CYS1: variants seen among roughly 807,000 people sequenced by gnomAD.
The protein encoded by CYS1 is cystin 1.
Under a neutral mutation model 9.6 loss-of-function variants are expected in CYS1, and 5 were observed. The observed-to-expected ratio is 0.52, with a 90% CI of 0.27 to 1.10. The LOEUF is 1.10. Among genes scored for constraint, CYS1 ranks in the 50% least tolerant of loss-of-function variants. The pLI is 0.11. For missense variants in CYS1, 221 were observed against 207.9 expected (o/e 1.06, Z -0.39); for synonymous variants, 88 against 95.7 (o/e 0.92, Z 0.47).
At chr2:10,074,134 G>A (rs912644466) in intron 1 of CYS1, among the ~76,000 whole-genome samples, 2 of 152,100 alleles carry the variant, frequency 1.3e-5, no homozygotes, top group Non-Finnish European at 2.9e-5. Flanking sequence ...CTGTACTCTG[G>A]TATGGCATCA....
chr2:10,071,007 T>C (rs1661760371), intron 1 of CYS1, among the ~76,000 whole-genome samples: 1 of 149,658 alleles, frequency 6.7e-6, no homozygotes, highest in Non-Finnish European at 1.5e-5. Context: ...CGCTCTGTCA[T>C]CCAGGCTGGA....
intron 1 of CYS1, among the ~76,000 whole-genome samples, chr2:10,073,968 C>T (rs1237208489): frequency 6.6e-6 from 1 of 152,166 alleles, no homozygotes; most frequent in Non-Finnish European, 1.5e-5. Flanking sequence ...TGAGGCTGCC[C>T]GCTCCTCCCC....
intron 2 of CYS1, among the ~76,000 whole-genome samples, chr2:10,062,745 G>A (rs1661644745): frequency 6.6e-6 from 1 of 152,212 alleles, no homozygotes; most frequent in African/African-American, 2.4e-5. Flanking sequence ...CCAACCTGGG[G>A]AAATACTGCC....
chr2:10,075,899 G>A (rs985760990), intron 1 of CYS1, among the ~76,000 whole-genome samples: 1 of 152,164 alleles, frequency 6.6e-6, no homozygotes, highest in African/African-American at 2.4e-5. Flanking sequence ...TAAAAATACT[G>A]AATCTGGCTA....
chr2:10,061,709 C>T (rs189136728), intron 2 of CYS1, among the ~76,000 whole-genome samples: 8 of 152,274 alleles, frequency 5.3e-5, no homozygotes, highest in South Asian at 2.1e-4. Context: ...GTGAGTAGGA[C>T]GGTAGGCAGT....
intron 1 of CYS1, among the ~76,000 whole-genome samples, chr2:10,067,944 C>A (rs1045476891): frequency 8.5e-5 from 13 of 152,146 alleles, no homozygotes; most frequent in African/African-American, 2.9e-4. Flanking sequence ...CTATCTTAAT[C>A]CTTTATTGAA....
rs373915269 is a variant in CYS1, at chr2:10,065,935, C to T, written c.340G>A (p.Glu114Lys). 3 of 1,614,124 alleles carry T rather than the reference C, an allele frequency of 1.9e-6. No individual in the cohort carries two copies. The highest frequency in any genetic ancestry group is 2.7e-5 in the African/African-American group (2 of 74,936). The change falls in exon 2 of 3, where the codon GAG (glutamate) becomes AAG (lysine). Residue 114 changes from glutamate to lysine, a missense_variant. By Grantham distance (56) the Glu-to-Lys change is moderately conservative (BLOSUM62 1). Transcript: ENST00000381813. ...GSAVCAEQST[E>K]GHPGSGNVSE... ...ACATTGCCGCTCCCCGGGTGGCCCT[C>T]TGTGCTCTGCTCTGCGCACACCTTG...
intron 1 of CYS1, among the ~76,000 whole-genome samples, chr2:10,071,536 C>G (rs894294716): frequency 1.3e-5 from 2 of 152,246 alleles, no homozygotes; most frequent in African/African-American, 4.8e-5. Flanking sequence ...CCCAATGGCT[C>G]AGCCTTGCTG....
chr2:10,080,170 G>C lies in CYS1; in HGVS notation c.54C>G (p.Pro18=). The C allele has an allele frequency of 9.4e-7, 1 of 1,064,452 alleles. No individual in the cohort carries two copies. Among genetic ancestry groups the C allele is most frequent in the Non-Finnish European group, 1.1e-6 (1 of 883,276 alleles). The allele number at this position is 1,064,452 out of a possible 1,614,324, so 65.9% of individuals were successfully genotyped here. The change falls in exon 1 of 3, where the codon CCC becomes CCG. Residue 18 remains proline, a synonymous_variant. Transcript: ENST00000381813. This position sits in a 1 kb window ranked among gnomAD's most constrained non-coding sequence, Gnocchi z 6.4. ...CTCCGGGCCCCGCGGGGAGGCTCTC[G>C]GGGCTGCGCCGCCGCCTCAGAGTCC... ...SSRTLRRRRS[P]ESLPAGPGAA...
chr2:10,064,469 C>T (rs1661668022), intron 2 of CYS1, among the ~76,000 whole-genome samples: 1 of 152,066 alleles, frequency 6.6e-6, no homozygotes, highest in Non-Finnish European at 1.5e-5. Flanking sequence ...CATCCTCACT[C>T]CTCACTACCT....
chr2:10,079,975 G>T lies in CYS1; in HGVS notation c.249C>A (p.Ala83=). 1 of 1,105,448 alleles carries T rather than the reference G, an allele frequency of 9.0e-7. No individual in the cohort carries two copies. The highest frequency in any genetic ancestry group is 1.1e-6 in the Non-Finnish European group (1 of 907,604). The allele number at this position is 1,105,448 out of a possible 1,614,324, so 68.5% of individuals were successfully genotyped here. The change falls in exon 1 of 3, where the codon GCC becomes GCA. Residue 83 remains alanine (A), a synonymous_variant. Coordinates refer to ENST00000381813, the MANE Select transcript of CYS1 (RefSeq NM_001037160.3). ...GCGGGGCGGGCTCCGGGGGGCCCCA[G>T]GCCGCCGACTCGGCCAGCAGCTCGT... ...LLDELLAESA[A]WGPPEPAPRR...
rs886892860 is a variant in CYS1, at chr2:10,080,282, G to A, written c.-59C>T. On this transcript the variant is annotated 5_prime_UTR_variant, in exon 1 of 3. Coordinates refer to ENST00000381813, the MANE Select transcript of CYS1 (RefSeq NM_001037160.3). The surrounding 1 kb of genome is among the most constrained non-coding windows in gnomAD (Gnocchi z 6.4). Reference sequence around the variant, plus strand: ...GCCCCCATGAGGGGGCGCGGCCGGGGGCGGGGACGCTAGGGGGTGCGGCCG... The same window carrying A: ...GCCCCCATGAGGGGGCGCGGCCGGGAGCGGGGACGCTAGGGGGTGCGGCCG... 5.9e-5 allele frequency: 59 copies of A among 998,618 alleles called. No homozygotes were observed. The Admixed American group carries it at 7.0e-4, about 12-fold the overall frequency. 61.9% of individuals were successfully genotyped at this position (998,618 alleles called of 1,614,324 possible).
chr2:10,066,948 G>A (rs1661705777), intron 1 of CYS1, among the ~76,000 whole-genome samples: 1 of 152,150 alleles, frequency 6.6e-6, no homozygotes, highest in African/African-American at 2.4e-5. Context: ...ATTCATTTAG[G>A]ACTCCTTTAG....
At chr2:10,067,411 T>C (rs192118282) in intron 1 of CYS1, among the ~76,000 whole-genome samples, 4,366 of 147,994 alleles carry the variant, frequency 0.03, 217 homozygotes, top group African/African-American at 0.1. Flanking sequence ...CTTTTCTTTT[T>C]TTTTTTTTTT....
At chr2:10,072,643 C>T (rs1026838896) in intron 1 of CYS1, among the ~76,000 whole-genome samples, 2 of 152,168 alleles carry the variant, frequency 1.3e-5, no homozygotes, top group African/African-American at 2.4e-5. Context: ...TTTGGCTTTT[C>T]GGTTTTCTTA....
intron 2 of CYS1, among the ~76,000 whole-genome samples, chr2:10,062,809 A>G (rs1255308375): frequency 6.6e-6 from 1 of 152,262 alleles, no homozygotes; most frequent in Admixed American, 6.5e-5. Flanking sequence ...TCTCTCACCA[A>G]TACCGTAATG....
At chr2:10,075,320 A>G (rs1572461155) in intron 1 of CYS1, among the ~76,000 whole-genome samples, 1 of 152,332 alleles carries the variant, frequency 6.6e-6, no homozygotes, top group East Asian at 1.9e-4. Context: ...TGCCTTTACA[A>G]CATGCTTCCA....
At chr2:10,061,594 G>A (rs558536700) in intron 2 of CYS1, among the ~76,000 whole-genome samples, 18 of 152,304 alleles carry the variant, frequency 1.2e-4, no homozygotes, top group Admixed American at 6.5e-4. Flanking sequence ...CTCCTCACTC[G>A]TCCTGTCTCA....
At chr2:10,071,180 T>C (rs1661762865) in intron 1 of CYS1, among the ~76,000 whole-genome samples, 1 of 152,202 alleles carries the variant, frequency 6.6e-6, no homozygotes, top group African/African-American at 2.4e-5. Context: ...TTGGCCACGC[T>C]AGTCTCGAAC....
Sources: gnomAD v4.1 joint callset for allele counts (sites outside exome capture counted in the v4.1 genomes callset) on GRCh38, gnomAD v4.1.1 for gene constraint, Gnocchi (gnomAD v3.1) non-coding constraint, MANE v1.5 for transcripts, NCBI Gene and HGNC (gene_info 2026-07-23, HGNC 2026-07-21) for gene names.